CUX2: variants seen among roughly 807,000 people sequenced by gnomAD.
CUX2 encodes the protein homeobox protein cut-like 2.
Under a neutral mutation model 144.8 loss-of-function variants are expected in CUX2, and 40 were observed. That is an observed-to-expected ratio of 0.28 (90% CI 0.21 to 0.36). The LOEUF (loss-of-function observed/expected upper bound fraction) is 0.36, where lower values mean the gene tolerates loss of function less well. Ranked by LOEUF, CUX2 falls within the 10% of genes least tolerant of loss-of-function variation. The probability of loss-of-function intolerance (pLI) is 1.00; values close to 1 mark genes in which losing one functional copy is unlikely to be tolerated. For synonymous variants in CUX2, 827 were observed against 875.6 expected (o/e 0.94, Z 0.98); for missense variants, 1,615 against 1,994.0 (o/e 0.81, Z 3.62).
intron 1 of CUX2, among the ~76,000 whole-genome samples, chr12:111,107,027 A>G (rs1873651879): frequency 6.6e-6 from 1 of 152,220 alleles, no homozygotes; most frequent in Non-Finnish European, 1.5e-5. Context: ...AGAAGCAATG[A>G]TAACACGCAA....
intron 1 of CUX2, among the ~76,000 whole-genome samples, chr12:111,139,616 T>C (rs1876161472): frequency 6.6e-6 from 1 of 152,218 alleles, no homozygotes; most frequent in Non-Finnish European, 1.5e-5. Flanking sequence ...AGCCAGCTGC[T>C]ATTCTTCCTT....
intron 1 of CUX2, among the ~76,000 whole-genome samples, chr12:111,127,496 C>T (rs1875167097): frequency 6.6e-6 from 1 of 152,232 alleles, no homozygotes; most frequent in Admixed American, 6.5e-5. Context: ...CAGTAACTCC[C>T]TTCTTCGCCT....
At chr12:111,206,800 T>G (rs1880945398) in intron 1 of CUX2, among the ~76,000 whole-genome samples, 2 of 152,238 alleles carry the variant, frequency 1.3e-5, no homozygotes, top group South Asian at 2.1e-4. Context: ...GATGATCCTT[T>G]TCTAGATGAT....
intron 17 of CUX2, among the ~76,000 whole-genome samples, chr12:111,321,684 C>T (rs190137739): frequency 2.8e-4 from 43 of 151,972 alleles, no homozygotes; most frequent in African/African-American, 8.7e-4. Context: ...CTCATCCCCC[C>T]AAAAATAAAT....
intron 1 of CUX2, chr12:111,099,546 T>G (rs1049010582): frequency 6.1e-5 from 28 of 456,508 alleles, no homozygotes; most frequent in Admixed American, 6.1e-4. Flanking sequence ...CCCTATTTGT[T>G]GGGGGCAGAC....
chr12:111,125,788 G>A (rs1875021942), intron 1 of CUX2, among the ~76,000 whole-genome samples: 1 of 152,164 alleles, frequency 6.6e-6, no homozygotes. Context: ...TAGAGAATGG[G>A]CACCCAGGCA....
At chr12:111,335,227 C>T (rs1251140608) in intron 19 of CUX2, among the ~76,000 whole-genome samples, 1 of 151,648 alleles carries the variant, frequency 6.6e-6, no homozygotes, top group Non-Finnish European at 1.5e-5. Flanking sequence ...CTCGTCTCTA[C>T]TAAAAATACA....
At chr12:111,218,638 CTT>C (rs1190199951) in intron 3 of CUX2, among the ~76,000 whole-genome samples, 1 of 152,192 alleles carries the variant, frequency 6.6e-6, no homozygotes, top group Non-Finnish European at 1.5e-5. Flanking sequence ...TTTGCCCTCT[CTT>C]GGCATTCTGC....
chr12:111,200,811 GA>G (rs1880535749), intron 1 of CUX2, among the ~76,000 whole-genome samples: 1 of 152,256 alleles, frequency 6.6e-6, no homozygotes, highest in East Asian at 1.9e-4. Flanking sequence ...TCACCCCTAC[GA>G]AAATTTTCTC....
At chr12:111,150,843 G>T (rs1404774628) in intron 1 of CUX2, among the ~76,000 whole-genome samples, 2 of 152,092 alleles carry the variant, frequency 1.3e-5, no homozygotes, top group Admixed American at 6.6e-5. Context: ...CCACAAAGAC[G>T]AGAGGTCACG....
At chr12:111,340,180 C>T (rs547105162) in intron 20 of CUX2, among the ~76,000 whole-genome samples, 44 of 152,234 alleles carry the variant, frequency 2.9e-4, no homozygotes, top group Middle Eastern at 3.4e-3. Context: ...ACCTGGGCGA[C>T]AGAGCGAGAC....
intron 3 of CUX2, among the ~76,000 whole-genome samples, chr12:111,253,445 T>C (rs1426875785): frequency 3.3e-5 from 5 of 152,006 alleles, no homozygotes; most frequent in African/African-American, 1.2e-4. Context: ...TCTGCAATAC[T>C]CTTTCCCAAA....
chr12:111,121,739 T>TC (rs765058891), intron 1 of CUX2, among the ~76,000 whole-genome samples: 73 of 152,134 alleles, frequency 4.8e-4, no homozygotes, highest in Middle Eastern at 3.4e-3. Flanking sequence ...AGATAATTTT[T>TC]CCCCCATTGA....
intron 1 of CUX2, among the ~76,000 whole-genome samples, chr12:111,097,231 A>G (rs1355570695): frequency 6.6e-6 from 1 of 152,188 alleles, no homozygotes; most frequent in Non-Finnish European, 1.5e-5. Context: ...GTGTCACCTG[A>G]GACCACCAGG....
chr12:111,296,050 G>A (rs1031319606), intron 7 of CUX2, among the ~76,000 whole-genome samples: 6 of 150,914 alleles, frequency 4.0e-5, no homozygotes, highest in Admixed American at 2.0e-4. Flanking sequence ...CCTGTCTTCC[G>A]GCCTGCCAGG....
chr12:111,244,069 G>A (rs1422800225), intron 3 of CUX2, among the ~76,000 whole-genome samples: 1 of 152,076 alleles, frequency 6.6e-6, no homozygotes, highest in African/African-American at 2.4e-5. Flanking sequence ...GGTTTTGACT[G>A]GTCTGGGTTA....
chr12:111,141,031 T>C (rs899372934), intron 1 of CUX2, among the ~76,000 whole-genome samples: 2 of 151,846 alleles, frequency 1.3e-5, no homozygotes, highest in East Asian at 1.9e-4. Flanking sequence ...CCACCAAACT[T>C]TGAGATGAAG....
chr12:111,136,655 A>G (rs545846725), intron 1 of CUX2, among the ~76,000 whole-genome samples: 2 of 152,136 alleles, frequency 1.3e-5, no homozygotes, highest in Admixed American at 6.5e-5. Context: ...CATGGTTGCT[A>G]CAGTTATTAA....
chr12:111,099,260 G>A (rs905885020), intron 1 of CUX2, among the ~76,000 whole-genome samples: 1 of 152,262 alleles, frequency 6.6e-6, no homozygotes, highest in African/African-American at 2.4e-5. Flanking sequence ...GCTCGGAGGT[G>A]GGCTTTGTGC....
Sources: gnomAD v4.1 joint callset for allele counts (sites outside exome capture counted in the v4.1 genomes callset) on GRCh38, gnomAD v4.1.1 for gene constraint, MANE v1.5 for transcripts, NCBI Gene and HGNC (gene_info 2026-07-23, HGNC 2026-07-21) for gene names.